CIT: variants seen among roughly 807,000 people sequenced by gnomAD.
The protein encoded by CIT is citron rho-interacting serine/threonine kinase, also known as citron Rho-interacting kinase.
CIT carries 79 observed loss-of-function variants against 272.7 expected under a neutral mutation model. That is an observed-to-expected ratio of 0.29 (90% confidence interval 0.24 to 0.35). The LOEUF is 0.35. Ranked by LOEUF, CIT falls within the 10% of genes least tolerant of loss-of-function variation. The pLI, the probability that CIT is intolerant of heterozygous loss-of-function variation, is 1.00. For synonymous variants in CIT, 948 were observed against 995.6 expected (o/e 0.95, Z 0.90); for missense variants, 1,909 against 2,618.3 (o/e 0.73, Z 5.91).
rs869266632 is a variant in CIT at position 119,849,689 on chromosome 12, C to CT, written c.516+484dup. 3.4e-3 allele frequency among the ~76,000 whole-genome samples: 276 copies of CT among 81,158 alleles called. 2 individuals are homozygous for CT. The highest frequency in any genetic ancestry group is 0.019 in the Middle Eastern group (2 of 106). 53.2% of individuals were successfully genotyped at this position (81,158 alleles called of 152,430 possible). On this transcript the variant is annotated intron_variant, in intron 5 of 47. Coordinates refer to ENST00000392521, the MANE Select transcript of CIT (RefSeq NM_001206999.2). ...TCAATGAGGCTGTTTCTTTTTTTTT[C>CT]TTTTTTTTTTTTTTGAGATAGAGTC...
chr12:119,734,994 A>G (rs1181228280), intron 25 of CIT, among the ~76,000 whole-genome samples, 166 bp downstream of exon 25: 1 of 152,138 alleles, frequency 6.6e-6, no homozygotes, highest in Non-Finnish European at 1.5e-5. Context: ...CACTTTTAAA[A>G]TACATTTTTA....
chr12:119,845,076 C>G (rs1280051433), intron 5 of CIT, among the ~76,000 whole-genome samples: 1 of 151,882 alleles, frequency 6.6e-6, no homozygotes, highest in East Asian at 1.9e-4. Flanking sequence ...GCCGAGATTG[C>G]GCCACTGAAC....
At chr12:119,746,559 C>T (rs1032999487) in intron 23 of CIT, among the ~76,000 whole-genome samples, 1 of 152,132 alleles carries the variant, frequency 6.6e-6, no homozygotes, top group African/African-American at 2.4e-5. Context: ...GGACAGAAGC[C>T]CTATTCCACT....
intron 32 of CIT, among the ~76,000 whole-genome samples, chr12:119,715,531 G>A (rs1257151660): frequency 2.6e-5 from 4 of 152,046 alleles, no homozygotes; most frequent in Non-Finnish European, 5.9e-5. Context: ...AACATTAGTG[G>A]AAGGAGAATG....
At position 119,784,454 on chromosome 12, in the gene CIT, A is replaced by ACCACC; in HGVS notation, c.1402-404_1402-403insGGTGG. 1 of 1,202,250 alleles carries ACCACC rather than the reference A, an allele frequency of 8.3e-7. No homozygotes were observed. The highest frequency in any genetic ancestry group is 1.6e-5 in the African/African-American group (1 of 63,214). 74.5% of individuals were successfully genotyped at this position (1,202,250 alleles called of 1,614,324 possible). ...AGGACAAATCCAGGACAGGGCAAGG[A>ACCACC]GATATTTATTCGTCTGCACTCTTAG... On this transcript the variant is annotated intron_variant, in intron 11 of 47. Coordinates refer to ENST00000392521, the MANE Select transcript of CIT (RefSeq NM_001206999.2). This position sits in a 1 kb window ranked among gnomAD's most constrained non-coding sequence, Gnocchi z 4.7.
At chr12:119,787,854 A>T (rs1420566702) in intron 10 of CIT, among the ~76,000 whole-genome samples, 1 of 152,160 alleles carries the variant, frequency 6.6e-6, no homozygotes. Flanking sequence ...CATAATTACC[A>T]ACCTACTTCA....
At chr12:119,748,265 C>T (rs762065629) in intron 23 of CIT, among the ~76,000 whole-genome samples, 1 of 152,148 alleles carries the variant, frequency 6.6e-6, no homozygotes, top group East Asian at 1.9e-4. Context: ...AAAATGTGGA[C>T]GGACAGGTTG....
intron 3 of CIT, among the ~76,000 whole-genome samples, chr12:119,858,004 C>A (rs957095168): frequency 2.6e-5 from 4 of 152,166 alleles, no homozygotes; most frequent in African/African-American, 9.7e-5. Context: ...TCTCTGAAGG[C>A]TGCAGGGCAG....
chr12:119,782,234 G>C (rs1964362735), intron 13 of CIT: 1 of 225,218 alleles, frequency 4.4e-6, no homozygotes, highest in African/African-American at 2.3e-5. Context: ...TGCCCCACAG[G>C]CTGAAGTCTG....
rs1213055051 is a variant in CIT, at chr12:119,784,333, CT to C, written c.1402-283del. 133 of 1,412,442 alleles carry C rather than the reference CT, an allele frequency of 9.4e-5. No individual in the cohort carries two copies. The East Asian group carries it at 4.1e-3, about 44-fold the overall frequency. 87.5% of individuals were successfully genotyped at this position (1,412,442 alleles called of 1,614,324 possible). On this transcript the variant is annotated intron_variant, in intron 11 of 47. Coordinates refer to ENST00000392521, the MANE Select transcript of CIT (RefSeq NM_001206999.2). The surrounding 1 kb of genome is among the most constrained non-coding windows in gnomAD (Gnocchi z 4.7). ...GGAAGCCACAATCATCATTTTTCAC[CT>C]GTTTGCTTTTGTTTTTGTTTTGTTT...
chr12:119,834,312 G>A lies in CIT; in HGVS notation c.517-84C>T, dbSNP rs575400634. The A allele has an allele frequency of 1.4e-4, 173 of 1,257,018 alleles. 1 individual carries two copies. The highest frequency in any genetic ancestry group is 7.2e-4 in the South Asian group (49 of 67,720). 77.9% of individuals were successfully genotyped at this position (1,257,018 alleles called of 1,614,324 possible). A position where few individuals can be genotyped will look rare whatever the true frequency, so the allele number is the denominator to read the frequency against. On this transcript the variant is annotated intron_variant, in intron 5 of 47. Transcript: ENST00000392521. Reference sequence around the variant, plus strand: ...ATTAGATCCTCGAATATCACCTGACGTGTTATAATAACAAGGTCTCCACAA... The same window carrying A: ...ATTAGATCCTCGAATATCACCTGACATGTTATAATAACAAGGTCTCCACAA...
In CIT at chr12:119,834,216, G is replaced by A. The variant is rs868199823; in HGVS notation, c.529C>T (p.Gln177Ter). Residue 177 changes from glutamine (Q) to a stop codon, truncating the protein, a stop_gained, in exon 6 of 48, where the codon CAG becomes TAG. Transcript: ENST00000392521. LOFTEE classifies it high-confidence loss of function. ...AGTGACAGCAAGTCCCCTCCAGGCTGATATTCCATGACCTGTATAGAATGC... is the reference window on the plus strand; with the variant it reads ...AGTGACAGCAAGTCCCCTCCAGGCTAATATTCCATGACCTGTATAGAATGC... Reference protein sequence around the residue: ...KNHLYLVMEYQPGGDLLSLLN... With the variant: ...KNHLYLVMEY 6.2e-7 allele frequency: 1 copy of A among 1,610,518 alleles called. No individual in the cohort carries two copies. Among genetic ancestry groups the A allele is most frequent in the East Asian group, 2.2e-5 (1 of 44,874 alleles).
At chr12:119,837,176 CCAA>C (rs1284348963) in intron 5 of CIT, among the ~76,000 whole-genome samples, 1 of 152,184 alleles carries the variant, frequency 6.6e-6, no homozygotes, top group Non-Finnish European at 1.5e-5. Context: ...ACCAAAAATT[CCAA>C]CAGTGCACCA....
At chr12:119,771,924 G>T (rs1963200338) in intron 17 of CIT, among the ~76,000 whole-genome samples, 1 of 152,174 alleles carries the variant, frequency 6.6e-6, no homozygotes, top group Non-Finnish European at 1.5e-5. Flanking sequence ...TGCCTGGCAT[G>T]AGGAAAGTGA....
chr12:119,831,872 A>AAAAAAAG (rs769060857), intron 7 of CIT, among the ~76,000 whole-genome samples: 1 of 152,230 alleles, frequency 6.6e-6, no homozygotes, highest in African/African-American at 2.4e-5. Context: ...TCCGTCTCAA[A>AAAAAAAG]AAAAAAGAAA....
At position 119,710,123 on chromosome 12, in the gene CIT, G is replaced by A. The variant is rs2137049040; in HGVS notation, c.5071+128C>T. 9.7e-7 allele frequency: 1 copy of A among 1,031,598 alleles called. No homozygotes were observed. Among genetic ancestry groups the A allele is most frequent in the African/African-American group, 1.6e-5 (1 of 62,600 alleles). The allele number at this position is 1,031,598 out of a possible 1,614,324, so 63.9% of individuals were successfully genotyped here. ...CATTAGCTGAGGCTTGGGCATCTAT[G>A]GGGACACAGAGATAAGAGCTACAAC... is the stretch of plus-strand genomic sequence containing the variant. On this transcript the variant is annotated intron_variant, in intron 39 of 47. Coordinates refer to ENST00000392521, the MANE Select transcript of CIT (RefSeq NM_001206999.2). The surrounding 1 kb of genome is among the most constrained non-coding windows in gnomAD (Gnocchi z 5.6).
At chr12:119,786,069 T>C (rs1396224190) in intron 10 of CIT, among the ~76,000 whole-genome samples, 1 of 152,162 alleles carries the variant, frequency 6.6e-6, no homozygotes, top group African/African-American at 2.4e-5. Flanking sequence ...TTTTCTTTTT[T>C]CCTTCACTGA....
chr12:119,845,632 AAC>A (rs1420721996), intron 5 of CIT, among the ~76,000 whole-genome samples: 3 of 149,144 alleles, frequency 2.0e-5, no homozygotes, highest in Non-Finnish European at 3.0e-5. Context: ...CAGCCTGGGC[AAC>A]AGAGCAAGAC....
At position 119,823,197 on chromosome 12, in the gene CIT, T is replaced by C. The variant is rs552452724; in HGVS notation, c.958-224A>G. 8.5e-5 allele frequency among the ~76,000 whole-genome samples: 13 copies of C among 152,286 alleles called. No individual in the cohort carries two copies. The South Asian group carries it at 1.5e-3, about 17-fold the overall frequency. On this transcript the variant is annotated intron_variant, in intron 8 of 47. Transcript: ENST00000392521. ...CTTTGTAGGGGTTCAGCGTCCTCCA[T>C]GGCTTGACCCCGGCTCCCCTTCTCA... is the stretch of plus-strand genomic sequence containing the variant.
Sources: gnomAD v4.1 joint callset for allele counts (sites outside exome capture counted in the v4.1 genomes callset) on GRCh38, gnomAD v4.1.1 for gene constraint, Gnocchi (gnomAD v3.1) non-coding constraint, MANE v1.5 for transcripts, NCBI Gene and HGNC (gene_info 2026-07-23, HGNC 2026-07-21) for gene names.